The following CLSTN2 variants were observed in gnomAD, a reference collection of about 807,000 sequenced individuals.
CLSTN2 encodes the protein calsyntenin 2.
In CLSTN2, 48 loss-of-function variants were observed where a neutral mutation model predicts 101.2. That is an observed-to-expected ratio of 0.47 (90% CI 0.38 to 0.60). The LOEUF is 0.60. Ranked by LOEUF, CLSTN2 falls within the 20% of genes least tolerant of loss-of-function variation. The pLI, the probability that CLSTN2 is intolerant of heterozygous loss-of-function variation, is 0.00. For synonymous variants in CLSTN2, 481 were observed against 463.6 expected, an observed-to-expected ratio of 1.04 and a Z score of -0.48; for missense variants, 1,160 against 1,238.2, an observed-to-expected ratio of 0.94 and a Z score of 0.95.
chr3:140,482,130 C>A (rs980868381), intron 8 of CLSTN2, among the ~76,000 whole-genome samples: 7 of 152,138 alleles, frequency 4.6e-5, no homozygotes, highest in Non-Finnish European at 1.0e-4. Flanking sequence ...CCCATCAATA[C>A]CTAATTTATT....
chr3:140,282,413 G>A (rs562331628), intron 2 of CLSTN2, among the ~76,000 whole-genome samples: 11 of 152,244 alleles, frequency 7.2e-5, no homozygotes, highest in African/African-American at 2.4e-4. Flanking sequence ...AAGAGCATGA[G>A]GCGCCCAGAA....
intron 2 of CLSTN2, among the ~76,000 whole-genome samples, chr3:140,268,706 G>A (rs548639759): frequency 4.6e-5 from 7 of 152,310 alleles, no homozygotes; most frequent in Middle Eastern, 6.8e-3. Context: ...GCACTGGAGT[G>A]TCCAGTGTCC....
At chr3:140,267,476 C>T (rs2086705660) in intron 2 of CLSTN2, among the ~76,000 whole-genome samples, 1 of 152,130 alleles carries the variant, frequency 6.6e-6, no homozygotes, top group Non-Finnish European at 1.5e-5. Context: ...ATTGAAGGAA[C>T]ATTGAAGATT....
At chr3:140,361,680 T>A (rs1448786306) in intron 2 of CLSTN2, among the ~76,000 whole-genome samples, 2 of 152,164 alleles carry the variant, frequency 1.3e-5, no homozygotes, top group Non-Finnish European at 2.9e-5. Flanking sequence ...AATATTTTTA[T>A]ATTAGAAATG....
At chr3:140,193,228 C>A (rs1358482906) in intron 2 of CLSTN2, among the ~76,000 whole-genome samples, 3 of 114,922 alleles carry the variant, frequency 2.6e-5, no homozygotes, top group Non-Finnish European at 5.7e-5. Flanking sequence ...GTTCTTTCTT[C>A]TTTTCTGATG....
intron 4 of CLSTN2, among the ~76,000 whole-genome samples, chr3:140,410,055 AAC>A (rs139936764): frequency 0.012 from 1,826 of 152,242 alleles, 37 homozygotes; most frequent in African/African-American, 0.041. Context: ...TAATGTATGC[AAC>A]ACTATCAAGA....
chr3:140,221,668 C>CA (rs1398380919), intron 2 of CLSTN2, among the ~76,000 whole-genome samples: 1 of 151,920 alleles, frequency 6.6e-6, no homozygotes, highest in Non-Finnish European at 1.5e-5. Context: ...TAAAAATGGG[C>CA]AAAAAATATG....
At chr3:140,393,363 C>T (rs530758952) in intron 2 of CLSTN2, among the ~76,000 whole-genome samples, 1 of 152,304 alleles carries the variant, frequency 6.6e-6, no homozygotes, top group African/African-American at 2.4e-5. Context: ...GAGGAGGCTG[C>T]AATATTCAGC....
At chr3:140,195,833 C>T (rs905922022) in intron 2 of CLSTN2, among the ~76,000 whole-genome samples, 14 of 152,150 alleles carry the variant, frequency 9.2e-5, no homozygotes, top group Admixed American at 4.6e-4. Context: ...AAGGTTTTTA[C>T]GTCTCAAAGA....
intron 1 of CLSTN2, among the ~76,000 whole-genome samples, chr3:140,110,342 C>G (rs1012551249): frequency 2.0e-5 from 3 of 152,250 alleles, no homozygotes; most frequent in South Asian, 2.1e-4. Context: ...ATGAACTACT[C>G]CATAAGAGAA....
At chr3:140,332,482 A>G (rs1252563217) in intron 2 of CLSTN2, among the ~76,000 whole-genome samples, 1 of 152,014 alleles carries the variant, frequency 6.6e-6, no homozygotes, top group African/African-American at 2.4e-5. Flanking sequence ...AATTTCAATA[A>G]TTTTTTCAAC....
intron 2 of CLSTN2, among the ~76,000 whole-genome samples, chr3:140,262,889 C>T (rs1053437893): frequency 6.6e-6 from 1 of 152,032 alleles, no homozygotes; most frequent in African/African-American, 2.4e-5. Context: ...CGGACCTCTT[C>T]AGAGAAAGAA....
chr3:139,967,177 G>A (rs549728042), intron 1 of CLSTN2, among the ~76,000 whole-genome samples: 1 of 152,280 alleles, frequency 6.6e-6, no homozygotes, highest in South Asian at 2.1e-4. Context: ...AAGCTGAAGG[G>A]ATGATGGATA....
At chr3:140,252,169 A>T (rs2086570264) in intron 2 of CLSTN2, among the ~76,000 whole-genome samples, 1 of 152,044 alleles carries the variant, frequency 6.6e-6, no homozygotes, top group Admixed American at 6.6e-5. Flanking sequence ...CATGAACTTT[A>T]TTTATAAAGA....
chr3:140,290,669 T>G (rs1466520891), intron 2 of CLSTN2, among the ~76,000 whole-genome samples: 3 of 152,246 alleles, frequency 2.0e-5, no homozygotes, highest in African/African-American at 7.2e-5. Context: ...TCCAGAGTCC[T>G]GGTTGACCGC....
At chr3:140,335,022 G>A (rs1442880147) in intron 2 of CLSTN2, among the ~76,000 whole-genome samples, 1 of 152,222 alleles carries the variant, frequency 6.6e-6, no homozygotes, top group East Asian at 1.9e-4. Context: ...ATAGAGGAAT[G>A]GCAAAGGGGG....
At chr3:140,324,982 C>A (rs1381582270) in intron 2 of CLSTN2, among the ~76,000 whole-genome samples, 2 of 152,198 alleles carry the variant, frequency 1.3e-5, no homozygotes, top group African/African-American at 2.4e-5. Context: ...ATATCTATGA[C>A]AAATTAAAGA....
chr3:140,452,147 G>A (rs904761850), intron 6 of CLSTN2, among the ~76,000 whole-genome samples: 6 of 152,136 alleles, frequency 3.9e-5, no homozygotes, highest in African/African-American at 7.2e-5. Context: ...AAGGGACAAC[G>A]ATGGCAGTTG....
chr3:139,964,308 C>G (rs1935558116), intron 1 of CLSTN2, among the ~76,000 whole-genome samples: 1 of 152,092 alleles, frequency 6.6e-6, no homozygotes, highest in Admixed American at 6.5e-5. Context: ...ACCTCCTAGT[C>G]TCATGGGCTA....
Sources: allele counts gnomAD v4.1 joint callset (sites outside exome capture counted in the v4.1 genomes callset), GRCh38; gene constraint gnomAD v4.1.1; transcripts MANE v1.5; gene names NCBI Gene and HGNC (gene_info 2026-07-23, HGNC 2026-07-21).